Variants in ITSN1 observed in about 807,000 individuals in gnomAD.
ITSN1 encodes intersectin 1.
ITSN1 carries 58 observed loss-of-function variants against 239.8 expected under a neutral mutation model. The observed-to-expected ratio is 0.24, with a 90% CI of 0.20 to 0.30. The LOEUF is 0.30. Among genes scored for constraint, ITSN1 ranks in the 10% least tolerant of loss-of-function variants. The pLI is 1.00. For missense variants in ITSN1, 1,558 were observed against 2,103.3 expected (o/e 0.74, Z 5.07); for synonymous variants, 780 against 770.8 (o/e 1.01, Z -0.20).
At chr21:33,853,374 G>A (rs1003519549) in intron 29 of ITSN1, among the ~76,000 whole-genome samples, 3 of 152,202 alleles carry the variant, frequency 2.0e-5, no homozygotes, top group Admixed American at 1.3e-4. Context: ...CCTGGAGCAG[G>A]AGGCCACGCA....
intron 24 of ITSN1, among the ~76,000 whole-genome samples, chr21:33,820,935 T>TA (rs1256546339): frequency 1.3e-5 from 2 of 152,216 alleles, no homozygotes; most frequent in African/African-American, 4.8e-5. Context: ...CTCACCCATC[T>TA]AGTAACAGTA....
chr21:33,743,533 CAAA>C (rs71322242), intron 5 of ITSN1, among the ~76,000 whole-genome samples: 46,678 of 151,776 alleles, frequency 0.31, 7,522 homozygotes, highest in East Asian at 0.55. Flanking sequence ...GTATTTAAGA[CAAA>C]GAAGATTGAA....
At chr21:33,790,722 G>T (rs1272994661) in intron 16 of ITSN1, among the ~76,000 whole-genome samples, 1 of 152,158 alleles carries the variant, frequency 6.6e-6, no homozygotes, top group Non-Finnish European at 1.5e-5. Flanking sequence ...AATAGAATTT[G>T]CAGGGTCATT....
rs528793429 is a variant in ITSN1 at position 33,823,509 on chromosome 21, C to T, written c.3039C>T (p.Tyr1013=). 22 of 1,613,906 alleles carry T rather than the reference C, an allele frequency of 1.4e-5. No homozygotes were observed. The highest frequency in any genetic ancestry group is 9.9e-5 in the South Asian group (9 of 91,064). Residue 1013 remains tyrosine (Y), a synonymous_variant, in exon 25 of 40, where the codon TAC becomes TAT. Coordinates refer to ENST00000381318, the MANE Select transcript of ITSN1 (RefSeq NM_003024.3). ...CAGAATTTATTGCCATGTACACTTA[C>T]GAGAGTTCTGAGCAAGGAGATTTAA... ...SGEEFIAMYT[Y]ESSEQGDLTF...
chr21:33,802,491 T>C, intron 20 of ITSN1, 47 bp downstream of exon 20: 1 of 1,602,504 alleles, frequency 6.2e-7, no homozygotes, highest in South Asian at 1.1e-5. Flanking sequence ...ATTCAATGTT[T>C]TGTCCTTTTA....
chr21:33,837,945 C>T, intron 29 of ITSN1: 1 of 985,722 alleles, frequency 1.0e-6, no homozygotes. Context: ...AAGTTTTATT[C>T]CAGTTACTTT....
intron 33 of ITSN1, among the ~76,000 whole-genome samples, chr21:33,874,552 G>A (rs978516566): frequency 4.6e-5 from 7 of 152,170 alleles, no homozygotes; most frequent in Non-Finnish European, 8.8e-5. Context: ...GAACAGGTGG[G>A]AAAATAGCAC....
chr21:33,646,553 C>T (rs1004987496), intron 1 of ITSN1, among the ~76,000 whole-genome samples: 4 of 152,122 alleles, frequency 2.6e-5, no homozygotes, highest in African/African-American at 9.7e-5. Flanking sequence ...TAGTTAAGAG[C>T]TCAAACTTTG....
At chr21:33,741,058 G>A (rs938756208) in intron 5 of ITSN1, among the ~76,000 whole-genome samples, 1 of 152,142 alleles carries the variant, frequency 6.6e-6, no homozygotes, top group African/African-American at 2.4e-5. Flanking sequence ...TTTAAACTTG[G>A]CCTTTTCCTC....
rs536642146 is a variant in ITSN1 at position 33,882,980 on chromosome 21, C to T, written c.4554+525C>T. ...TGGCTGTGTTTGTGTGTCTTTGTGT[C>T]ACGGGACGTTGTTTTTCTAAATTTG... On this transcript the variant is annotated intron_variant, in intron 35 of 39. Transcript: ENST00000381318. This position sits in a 1 kb window ranked among gnomAD's most constrained non-coding sequence, Gnocchi z 4.5. Among the ~76,000 whole-genome samples, 1 of 152,236 alleles carries T rather than the reference C, an allele frequency of 6.6e-6. No individual in the cohort carries two copies. The highest frequency in any genetic ancestry group is 2.4e-5 in the African/African-American group (1 of 41,528).
chr21:33,878,233 A>G (rs982767714), intron 34 of ITSN1, among the ~76,000 whole-genome samples: 8 of 151,924 alleles, frequency 5.3e-5, no homozygotes, highest in African/African-American at 1.7e-4. Flanking sequence ...AGGACTCACC[A>G]TGTTGCCCAG....
intron 24 of ITSN1, among the ~76,000 whole-genome samples, chr21:33,822,038 C>T (rs1410353698): frequency 6.6e-6 from 1 of 152,236 alleles, no homozygotes; most frequent in Admixed American, 6.5e-5. Context: ...TTACCAGCGC[C>T]TCAGGGCTAA....
At chr21:33,795,739 T>C (rs1405238563) in intron 17 of ITSN1, among the ~76,000 whole-genome samples, 1 of 152,170 alleles carries the variant, frequency 6.6e-6, no homozygotes, top group African/African-American at 2.4e-5. Context: ...ATTCACACTA[T>C]ACCACACTGA....
chr21:33,837,107 A>C (rs1012142969), intron 29 of ITSN1: 1 of 1,542,952 alleles, frequency 6.5e-7, no homozygotes, highest in East Asian at 2.3e-5. Flanking sequence ...TTCCAGCATG[A>C]TCACCTACTG....
chr21:33,885,210 A>C, intron 37 of ITSN1, 87 bp downstream of exon 37: 1 of 1,208,840 alleles, frequency 8.3e-7, no homozygotes, highest in Non-Finnish European at 1.2e-6. Flanking sequence ...GAATAGAAGA[A>C]TCCCCTGGAC....
At chr21:33,658,402 T>C (rs796989407) in intron 1 of ITSN1, among the ~76,000 whole-genome samples, 16 of 152,320 alleles carry the variant, frequency 1.1e-4, no homozygotes, top group African/African-American at 3.6e-4. Flanking sequence ...ACTATACACC[T>C]AGGTTATATG....
At chr21:33,693,487 G>C (rs1299168499) in intron 1 of ITSN1, among the ~76,000 whole-genome samples, 1 of 152,100 alleles carries the variant, frequency 6.6e-6, no homozygotes, top group Non-Finnish European at 1.5e-5. Context: ...CTTGCAAGTA[G>C]CTGGGATTAT....
chr21:33,732,773 T>C (rs1409848228), intron 4 of ITSN1, among the ~76,000 whole-genome samples: 1 of 152,160 alleles, frequency 6.6e-6, no homozygotes, highest in South Asian at 2.1e-4. Flanking sequence ...AAATAAAAAA[T>C]GTTCTCTGTG....
At chr21:33,836,881 TA>T in intron 29 of ITSN1, 9 of 869,178 alleles carry the variant, frequency 1.0e-5, no homozygotes, top group South Asian at 4.9e-5. Context: ...TTTTTTTTTT[TA>T]AATCATTTTG....
Sources: allele counts gnomAD v4.1 joint callset (sites outside exome capture counted in the v4.1 genomes callset), GRCh38; gene constraint gnomAD v4.1.1; non-coding constraint Gnocchi (gnomAD v3.1); transcripts MANE v1.5; gene names NCBI Gene and HGNC (gene_info 2026-07-23, HGNC 2026-07-21).